Variants in EHBP1 observed in about 807,000 individuals in gnomAD.
The protein encoded by EHBP1 is EH domain binding protein 1.
A neutral mutation model predicts 144.0 loss-of-function variants in EHBP1; 55 were observed. That is an observed-to-expected ratio of 0.38 (90% CI 0.31 to 0.48). The LOEUF is 0.48. Among genes scored for constraint, EHBP1 ranks in the 20% least tolerant of loss-of-function variants. The pLI, the probability that EHBP1 is intolerant of heterozygous loss-of-function variation, is 0.98. For missense variants in EHBP1, 1,200 were observed against 1,364.2 expected (o/e 0.88, Z 1.90); for synonymous variants, 469 against 472.7 (o/e 0.99, Z 0.10).
intron 6 of EHBP1, 190 bp downstream of exon 6, chr2:62,826,458 A>G (rs2046353939): frequency 2.1e-6 from 1 of 480,450 alleles, no homozygotes. Context: ...CAGAGAATGT[A>G]CAGTAATATA....
chr2:62,756,822 A>C (rs1211292695), intron 3 of EHBP1, among the ~76,000 whole-genome samples: 1 of 151,800 alleles, frequency 6.6e-6, no homozygotes, highest in Non-Finnish European at 1.5e-5. Context: ...ATTGTACATA[A>C]TAAGCTAAAT....
intron 19 of EHBP1, among the ~76,000 whole-genome samples, chr2:63,024,247 G>A (rs1341593661): frequency 6.6e-6 from 1 of 152,196 alleles, no homozygotes; most frequent in African/African-American, 2.4e-5. Context: ...GGGAGGCTGA[G>A]GCACGAGAAT....
intron 5 of EHBP1, among the ~76,000 whole-genome samples, chr2:62,774,578 C>T (rs1039855406): frequency 3.9e-5 from 6 of 151,984 alleles, no homozygotes; most frequent in Non-Finnish European, 5.9e-5. Flanking sequence ...ATTCATTGAG[C>T]GTGTATTATG....
Position 62,993,916 on chromosome 2 carries a change from A to T in EHBP1, c.2918A>T (p.Asn973Ile). 1 of 1,596,542 alleles carries T rather than the reference A, an allele frequency of 6.3e-7. No homozygotes were observed. Among genetic ancestry groups the T allele is most frequent in the East Asian group, 2.3e-5 (1 of 44,376 alleles). The change falls in exon 18 of 23, where the codon AAT (asparagine) becomes ATT (isoleucine). Residue 973 changes from asparagine (N) to isoleucine (I), a missense_variant. By Grantham distance (149) the Asn-to-Ile change is moderately radical. Coordinates refer to ENST00000431489, the MANE Select transcript of EHBP1 (RefSeq NM_001142616.3). ...RSIQEDTKKG[N>I]EEKAAITETQ... ...ATACAGGAAGATACAAAGAAAGGAA[A>T]TGAGGAGAAGGCAGCGATAACTGAA...
rs374364426 is a variant in EHBP1, at chr2:62,853,821, CAGTG to C, written c.635-5345_635-5342del. Among the ~76,000 whole-genome samples, 116 of 152,302 alleles carry C rather than the reference CAGTG, an allele frequency of 7.6e-4. 1 individual carries two copies. The highest frequency in any genetic ancestry group is 2.6e-3 in the African/African-American group (110 of 41,552). Reference sequence around the variant, plus strand: ...GCTCTTGGGCGACCTGGTGCATTGTCAGTGAGCAGTGATGTTACTTTTTTAGGGA... The same window carrying C: ...GCTCTTGGGCGACCTGGTGCATTGTCAGCAGTGATGTTACTTTTTTAGGGA... On this transcript the variant is annotated intron_variant, in intron 7 of 22. Coordinates refer to ENST00000431489, the MANE Select transcript of EHBP1 (RefSeq NM_001142616.3).
intron 15 of EHBP1, among the ~76,000 whole-genome samples, chr2:62,984,910 C>T (rs1258337726): frequency 6.6e-6 from 1 of 152,120 alleles, no homozygotes; most frequent in African/African-American, 2.4e-5. Context: ...TCCTGGGTAT[C>T]CCTGGAATCT....
At chr2:62,801,671 CTG>C (rs1342264499) in intron 5 of EHBP1, among the ~76,000 whole-genome samples, 3 of 152,122 alleles carry the variant, frequency 2.0e-5, no homozygotes, top group East Asian at 1.9e-4. Flanking sequence ...GCTTACATGT[CTG>C]TAATTAAGTA....
At chr2:62,688,002 A>G (rs1202205567) in intron 1 of EHBP1, among the ~76,000 whole-genome samples, 1 of 152,206 alleles carries the variant, frequency 6.6e-6, no homozygotes, top group African/African-American at 2.4e-5. Flanking sequence ...TTCATAGACA[A>G]GTAGACTCTG....
chr2:63,007,989 T>G (rs1304000065), intron 19 of EHBP1, among the ~76,000 whole-genome samples: 1 of 151,760 alleles, frequency 6.6e-6, no homozygotes, highest in Non-Finnish European at 1.5e-5. Flanking sequence ...TGCAGTGGTC[T>G]TAGGCTTGGT....
At chr2:62,840,152 T>C (rs889701498) in intron 7 of EHBP1, among the ~76,000 whole-genome samples, 2 of 149,330 alleles carry the variant, frequency 1.3e-5, no homozygotes, top group Non-Finnish European at 3.0e-5. Context: ...TATAGATCAA[T>C]GGAACAGAAC....
At chr2:62,986,495 T>A (rs2059195591) in intron 15 of EHBP1, among the ~76,000 whole-genome samples, 1 of 149,104 alleles carries the variant, frequency 6.7e-6, no homozygotes, top group Non-Finnish European at 1.5e-5. Context: ...CAGGCTGGAG[T>A]GCAGTGGCGC....
chr2:62,812,493 T>C (rs1319294148), intron 5 of EHBP1, among the ~76,000 whole-genome samples: 1 of 152,140 alleles, frequency 6.6e-6, no homozygotes, highest in Non-Finnish European at 1.5e-5. Context: ...ACAAGAGCTG[T>C]AGGGAGAGCC....
intron 2 of EHBP1, among the ~76,000 whole-genome samples, chr2:62,714,078 C>A (rs1348903111): frequency 6.6e-6 from 1 of 152,078 alleles, no homozygotes; most frequent in African/African-American, 2.4e-5. Context: ...CAAACTGGCT[C>A]TTTTGTTCTC....
intron 8 of EHBP1, among the ~76,000 whole-genome samples, chr2:62,860,445 G>A (rs930759039): frequency 2.6e-5 from 4 of 151,956 alleles, no homozygotes; most frequent in South Asian, 2.1e-4. Flanking sequence ...GACCAAGATC[G>A]CGCCATTGCA....
chr2:62,953,204 C>A (rs1482636481), intron 13 of EHBP1, among the ~76,000 whole-genome samples: 1 of 97,772 alleles, frequency 1.0e-5, no homozygotes, highest in Non-Finnish European at 1.8e-5. Flanking sequence ...GCAACAAGAG[C>A]GAAAGTCCGT....
chr2:62,917,767 C>G (rs1333305613), intron 10 of EHBP1, among the ~76,000 whole-genome samples: 1 of 152,118 alleles, frequency 6.6e-6, no homozygotes, highest in African/African-American at 2.4e-5. Context: ...ATAAAAGCAG[C>G]CAGACTTTTT....
Position 62,865,920 on chromosome 2 carries a change from A to G in EHBP1, c.998+949A>G, listed in dbSNP as rs189529774. Among the ~76,000 whole-genome samples, 74 of 152,346 alleles carry G rather than the reference A, an allele frequency of 4.9e-4. 1 individual carries two copies. Among genetic ancestry groups the G allele is most frequent in the African/African-American group, 1.6e-3 (66 of 41,582 alleles). On this transcript the variant is annotated intron_variant, in intron 9 of 22. Coordinates refer to ENST00000431489, the MANE Select transcript of EHBP1 (RefSeq NM_001142616.3). Reference sequence around the variant, plus strand: ...GAAGAGGTACGGAATTTATACCTGTATGAGGAGCACTACTCTGTGAGATCT... The same window carrying G: ...GAAGAGGTACGGAATTTATACCTGTGTGAGGAGCACTACTCTGTGAGATCT...
intron 5 of EHBP1, among the ~76,000 whole-genome samples, chr2:62,816,819 T>C (rs765615820): frequency 3.9e-5 from 6 of 152,198 alleles, no homozygotes; most frequent in Non-Finnish European, 8.8e-5. Context: ...GCTCACTGCC[T>C]TCATTCCCTT....
chr2:63,018,177 T>G lies in EHBP1; in HGVS notation c.3104-19358T>G, dbSNP rs567109318. Among the ~76,000 whole-genome samples the G allele has an allele frequency of 3.9e-5, 6 of 152,272 alleles. No individual in the cohort carries two copies. In the East Asian group the frequency reaches 1.2e-3, roughly 29 times the overall value. ...GTCTCTAAAACTGAAATAAAATAAA[T>G]AAAAGGAGAGTTTATATTTAAGGTG... On this transcript the variant is annotated intron_variant, in intron 19 of 22. Coordinates refer to ENST00000431489, the MANE Select transcript of EHBP1 (RefSeq NM_001142616.3).
Sources: allele counts gnomAD v4.1 joint callset (sites outside exome capture counted in the v4.1 genomes callset), GRCh38; gene constraint gnomAD v4.1.1; transcripts MANE v1.5; gene names NCBI Gene and HGNC (gene_info 2026-07-23, HGNC 2026-07-21).